Variants in PNOC observed in about 807,000 individuals in gnomAD.
PNOC encodes nociceptin.
PNOC carries 10 observed loss-of-function variants against 15.6 expected under a neutral mutation model. The observed-to-expected ratio is 0.64, with a 90% CI of 0.40 to 1.09. The LOEUF is 1.09. PNOC is among the 50% of genes least tolerant of loss of function. The pLI is 0.01. For synonymous variants in PNOC, 98 were observed against 88.5 expected (o/e 1.11, Z -0.60); for missense variants, 220 against 223.9 (o/e 0.98, Z 0.11).
rs146556585 is a variant in PNOC, at chr8:28,340,468, A to G, written c.*47+977A>G. Reference sequence around the variant, plus strand: ...TTGAGTGGCATTGGCAACCTAGCACAGTAGAATTTTCTGAAAATTTAGGAA... The same window carrying G: ...TTGAGTGGCATTGGCAACCTAGCACGGTAGAATTTTCTGAAAATTTAGGAA... On this transcript the variant is annotated intron_variant, in intron 3 of 3. Transcript: ENST00000301908. 8.0e-3 allele frequency among the ~76,000 whole-genome samples: 1,222 copies of G among 152,310 alleles called. 12 individuals carry two copies. The highest frequency in any genetic ancestry group is 0.026 in the African/African-American group (1,070 of 41,570).
rs149390416 is a variant in PNOC at position 28,331,587 on chromosome 8, G to A, written c.126+2304G>A. ...CTCCTCTCACCTGGGCTCCAGACCC[G>A]TGTTCCCAATCACTTTCCATAGTTC... On this transcript the variant is annotated intron_variant, in intron 2 of 3. Coordinates refer to ENST00000301908, the MANE Select transcript of PNOC (RefSeq NM_006228.5). Among the ~76,000 whole-genome samples, 6 of 152,228 alleles carry A rather than the reference G, an allele frequency of 3.9e-5. No homozygotes were observed. The East Asian group carries it at 9.6e-4, about 24-fold the overall frequency.
chr8:28,339,535 A>G, intron 3 of PNOC, 44 bp downstream of exon 3: 3 of 1,413,882 alleles, frequency 2.1e-6, no homozygotes, highest in Non-Finnish European at 2.8e-6. Flanking sequence ...GAGACCTCAC[A>G]CACCAACTGT....
rs1189626951 is a variant in PNOC, at chr8:28,326,276, CAGG to C, written c.-23-2856_-23-2854del. On this transcript the variant is annotated intron_variant, in intron 1 of 3. Coordinates refer to ENST00000301908, the MANE Select transcript of PNOC (RefSeq NM_006228.5). ...CTGAGGTGGGAGGATTGCTTGCGCC[CAGG>C]AGTTCAACGCTTCAGTGAGCCGTGA... is the stretch of plus-strand genomic sequence containing the variant. 3.9e-5 allele frequency among the ~76,000 whole-genome samples: 6 copies of C among 152,064 alleles called. No homozygotes were observed. In the South Asian group the frequency reaches 1.0e-3, roughly 26 times the overall value.
At chr8:28,321,250 G>T (rs960018298) in intron 1 of PNOC, among the ~76,000 whole-genome samples, 55 of 117,448 alleles carry the variant, frequency 4.7e-4, no homozygotes, top group Admixed American at 1.2e-3. Flanking sequence ...GTCTTACTAT[G>T]TTCCCCAAGC....
At chr8:28,330,396 A>ATTTTTTTTTAT (rs1801305591) in intron 2 of PNOC, among the ~76,000 whole-genome samples, 1 of 80,418 alleles carries the variant, frequency 1.2e-5, no homozygotes, top group African/African-American at 3.9e-5. Context: ...ATTTTATTTT[A>ATTTTTTTTTAT]TTTTTTTTTT....
chr8:28,320,564 A>G (rs1232725982), intron 1 of PNOC, among the ~76,000 whole-genome samples: 1 of 152,132 alleles, frequency 6.6e-6, no homozygotes, highest in Non-Finnish European at 1.5e-5. Flanking sequence ...AAGTTAAAGA[A>G]GTTTGGCCGG....
intron 1 of PNOC, among the ~76,000 whole-genome samples, chr8:28,318,421 T>C (rs1424136594): frequency 1.3e-5 from 2 of 152,238 alleles, no homozygotes; most frequent in African/African-American, 2.4e-5. Context: ...TAACAAAAGA[T>C]GAGCTTTGCA....
chr8:28,330,109 G>A (rs960506240), intron 2 of PNOC, among the ~76,000 whole-genome samples: 4 of 151,862 alleles, frequency 2.6e-5, no homozygotes, highest in African/African-American at 7.2e-5. Flanking sequence ...ACCACGCCCC[G>A]CTATTTTTTA....
chr8:28,342,991 C>A lies in PNOC; in HGVS notation c.*97C>A. 3 of 985,450 alleles carry A rather than the reference C, an allele frequency of 3.0e-6. No individual in the cohort carries two copies. The highest frequency in any genetic ancestry group is 3.6e-6 in the Non-Finnish European group (3 of 829,914). The allele number at this position is 985,450 out of a possible 1,614,324, so 61.0% of individuals were successfully genotyped here. A position where few individuals can be genotyped will look rare whatever the true frequency, so the allele number is the denominator to read the frequency against. ...CATGTGCTCAGCCCCAGACCTGCCG[C>A]CTGGGAATCAGGATTCCTTCTTCCC... On this transcript the variant is annotated 3_prime_UTR_variant, in exon 4 of 4. Coordinates refer to ENST00000301908, the MANE Select transcript of PNOC (RefSeq NM_006228.5).
chr8:28,318,757 G>A (rs1396626884), intron 1 of PNOC, among the ~76,000 whole-genome samples: 3 of 152,228 alleles, frequency 2.0e-5, no homozygotes, highest in Non-Finnish European at 2.9e-5. Flanking sequence ...GCTGCCTGGC[G>A]AGGGCGCTGT....
At chr8:28,325,866 T>G (rs1801217572) in intron 1 of PNOC, among the ~76,000 whole-genome samples, 1 of 151,994 alleles carries the variant, frequency 6.6e-6, no homozygotes, top group Non-Finnish European at 1.5e-5. Context: ...ATCATCAGAT[T>G]GGAGATGGCT....
chr8:28,320,821 T>A (rs1487015231), intron 1 of PNOC, among the ~76,000 whole-genome samples: 2 of 145,256 alleles, frequency 1.4e-5, no homozygotes, highest in East Asian at 2.0e-4. Context: ...ACTGCACTCC[T>A]GCCTGGGTGA....
chr8:28,322,492 A>T (rs1351179502), intron 1 of PNOC, among the ~76,000 whole-genome samples: 1 of 152,240 alleles, frequency 6.6e-6, no homozygotes, highest in Non-Finnish European at 1.5e-5. Context: ...AGCTGCTGGG[A>T]TCACTGACAG....
chr8:28,336,498 G>A (rs139884730), intron 2 of PNOC, among the ~76,000 whole-genome samples: 17 of 152,264 alleles, frequency 1.1e-4, no homozygotes, highest in African/African-American at 3.9e-4. Flanking sequence ...AGGCATGCAG[G>A]TGCGAGGAGC....
In PNOC at chr8:28,329,238, A is replaced by G; in HGVS notation, c.81A>G (p.Thr27=). 6.2e-7 allele frequency: 1 copy of G among 1,613,994 alleles called. No individual in the cohort carries two copies. The highest frequency in any genetic ancestry group is 8.5e-7 in the Non-Finnish European group (1 of 1,180,028). ...GCAGTTGTCAGAGGGACTGTCTCAC[A>G]TGCCAGGAGAAGCTCCACCCAGCCC... ...VFSSCQRDCL[T]CQEKLHPALD... Residue 27 remains threonine, a synonymous_variant, in exon 2 of 4, where the codon ACA becomes ACG. Transcript: ENST00000301908.
At chr8:28,331,320 T>C (rs1460639753) in intron 2 of PNOC, among the ~76,000 whole-genome samples, 2 of 152,218 alleles carry the variant, frequency 1.3e-5, no homozygotes, top group Non-Finnish European at 1.5e-5. Flanking sequence ...CGTGTTTCTC[T>C]CTGAGCTCCT....
chr8:28,320,359 A>G (rs1242525531), intron 1 of PNOC, among the ~76,000 whole-genome samples: 1 of 151,764 alleles, frequency 6.6e-6, no homozygotes, highest in Non-Finnish European at 1.5e-5. Context: ...TCCTGATAGG[A>G]GCCACACAGA....
chr8:28,326,967 A>T (rs1416570566), intron 1 of PNOC, among the ~76,000 whole-genome samples: 1 of 152,222 alleles, frequency 6.6e-6, no homozygotes, highest in Non-Finnish European at 1.5e-5. Flanking sequence ...TGCAGGGTGC[A>T]TTGGAGTACC....
chr8:28,317,664 G>C (rs1436032114), intron 1 of PNOC, among the ~76,000 whole-genome samples: 2 of 152,098 alleles, frequency 1.3e-5, no homozygotes, highest in Non-Finnish European at 2.9e-5. Flanking sequence ...CCAGAGGAGG[G>C]GCAGGCACTT....
Sources: gnomAD v4.1 joint callset for allele counts (sites outside exome capture counted in the v4.1 genomes callset) on GRCh38, gnomAD v4.1.1 for gene constraint, MANE v1.5 for transcripts, NCBI Gene and HGNC (gene_info 2026-07-23, HGNC 2026-07-21) for gene names.